MINDY3: variants seen among roughly 807,000 people sequenced by gnomAD.
MINDY3 encodes the protein MINDY lysine 48 deubiquitinase 3.
Under a neutral mutation model 69.2 loss-of-function variants are expected in MINDY3, and 38 were observed. That is an observed-to-expected ratio of 0.55 (90% CI 0.42 to 0.72). The LOEUF is 0.72. Among genes scored for constraint, MINDY3 ranks in the 30% least tolerant of loss-of-function variants. The pLI, the probability that MINDY3 is intolerant of heterozygous loss-of-function variation, is 0.00. For synonymous variants in MINDY3, 192 were observed against 180.1 expected (o/e 1.07, Z -0.53); for missense variants, 522 against 519.0 (o/e 1.01, Z -0.06).
chr10:15,841,425 C>T lies in MINDY3; in HGVS notation c.409+1G>A. 3.7e-6 allele frequency: 6 copies of T among 1,602,630 alleles called. No individual in the cohort carries two copies. The highest frequency in any genetic ancestry group is 5.1e-6 in the Non-Finnish European group (6 of 1,174,936). On this transcript the variant is annotated splice_donor_variant, in intron 4 of 14. Transcript: ENST00000277632. LOFTEE classifies it high-confidence loss of function. ...CTTCAGGAAATAAAAATATATCTTA[C>T]AAGAATGTTCCACTTGGCAACTAGA...
intron 9 of MINDY3, among the ~76,000 whole-genome samples, chr10:15,820,729 C>T (rs76749489): frequency 0.013 from 2,039 of 152,198 alleles, 45 homozygotes; most frequent in African/African-American, 0.046. Context: ...CGCTGTCTGA[C>T]GAAAAAGAGG....
At chr10:15,826,516 C>T (rs1292920227) in intron 8 of MINDY3, among the ~76,000 whole-genome samples, 1 of 152,110 alleles carries the variant, frequency 6.6e-6, no homozygotes, top group Admixed American at 6.5e-5. Flanking sequence ...AAATAACCTA[C>T]AAATATAATG....
At chr10:15,784,034 T>C (rs1338819857) in intron 13 of MINDY3, among the ~76,000 whole-genome samples, 3 of 152,144 alleles carry the variant, frequency 2.0e-5, no homozygotes, top group African/African-American at 4.8e-5. Context: ...CCTTAAACAA[T>C]TGTCTTAAGT....
At chr10:15,837,777 C>G in intron 5 of MINDY3, 1 of 1,030,792 alleles carries the variant, frequency 9.7e-7, no homozygotes. Context: ...CCAAATGCCA[C>G]CCATAATTCT....
intron 1 of MINDY3, 82 bp from the exon 2 acceptor site, chr10:15,848,025 G>T: frequency 9.0e-7 from 1 of 1,112,858 alleles, no homozygotes; most frequent in Non-Finnish European, 1.4e-6. Context: ...TTTGCTTTGA[G>T]AATGATCACT....
At chr10:15,798,236 T>C (rs1418513487) in intron 10 of MINDY3, among the ~76,000 whole-genome samples, 1 of 152,120 alleles carries the variant, frequency 6.6e-6, no homozygotes, top group Non-Finnish European at 1.5e-5. Context: ...GTTAAATCTT[T>C]TTGGGGGAAA....
intron 12 of MINDY3, among the ~76,000 whole-genome samples, chr10:15,788,193 A>T (rs1837120712): frequency 6.6e-6 from 1 of 152,176 alleles, no homozygotes. Flanking sequence ...TCTACTTGGA[A>T]ATAAAGTTAG....
chr10:15,792,997 C>T (rs548191072), intron 11 of MINDY3, among the ~76,000 whole-genome samples: 5 of 152,076 alleles, frequency 3.3e-5, no homozygotes, highest in South Asian at 2.1e-4. Flanking sequence ...GGTAGGAACT[C>T]GTCCAACATC....
At chr10:15,858,194 G>T (rs976205214) in intron 1 of MINDY3, among the ~76,000 whole-genome samples, 3 of 152,168 alleles carry the variant, frequency 2.0e-5, no homozygotes, top group Admixed American at 6.5e-5. Context: ...ATCTTAATCA[G>T]TGTAAGGCCT....
chr10:15,826,958 A>G lies in MINDY3; in HGVS notation c.731-5232T>C, dbSNP rs531093432. Among the ~76,000 whole-genome samples, 4 of 152,062 alleles carry G rather than the reference A, an allele frequency of 2.6e-5. No individual in the cohort carries two copies. In the South Asian group the frequency reaches 8.3e-4, roughly 32 times the overall value. On this transcript the variant is annotated intron_variant, in intron 8 of 14. Transcript: ENST00000277632. ...GCATTTTTGGAAAATACTAGAGAAT[A>G]TTATCTTGGGGTGGAGCCGGGCATG...
At chr10:15,799,256 G>A (rs1838076743) in intron 10 of MINDY3, among the ~76,000 whole-genome samples, 1 of 152,038 alleles carries the variant, frequency 6.6e-6, no homozygotes, top group South Asian at 2.1e-4. Flanking sequence ...CTGGAGTGCA[G>A]TGGTGTGATC....
chr10:15,833,224 C>T (rs1478181748), intron 8 of MINDY3, among the ~76,000 whole-genome samples: 2 of 152,144 alleles, frequency 1.3e-5, no homozygotes, highest in African/African-American at 4.8e-5. Context: ...TTTTAAAGTA[C>T]GCACATTAAA....
rs139754485 is a variant in MINDY3 at position 15,831,735 on chromosome 10, G to A, written c.730+1895C>T. Among the ~76,000 whole-genome samples, 851 of 149,842 alleles carry A rather than the reference G, an allele frequency of 5.7e-3. 9 individuals carry two copies. Among genetic ancestry groups the A allele is most frequent in the African/African-American group, 0.02 (818 of 40,156 alleles). ...CTATTGCTCAGGCTGGAGTGCCGTGGCATGATCTCAGCTCACTGCAACCTC... is the reference window on the plus strand; with the variant it reads ...CTATTGCTCAGGCTGGAGTGCCGTGACATGATCTCAGCTCACTGCAACCTC... On this transcript the variant is annotated intron_variant, in intron 8 of 14. Transcript: ENST00000277632.
At chr10:15,814,194 A>G (rs1011674284) in intron 10 of MINDY3, among the ~76,000 whole-genome samples, 6 of 152,118 alleles carry the variant, frequency 3.9e-5, no homozygotes, top group Non-Finnish European at 8.8e-5. Context: ...GTGATCAAGT[A>G]TTATTGTTCT....
At chr10:15,833,111 G>C (rs1832842926) in intron 8 of MINDY3, among the ~76,000 whole-genome samples, 1 of 152,188 alleles carries the variant, frequency 6.6e-6, no homozygotes, top group African/African-American at 2.4e-5. Context: ...CAATGTGCCT[G>C]ACAACATACG....
intron 11 of MINDY3, among the ~76,000 whole-genome samples, chr10:15,795,012 C>T (rs1837703338): frequency 6.6e-6 from 1 of 151,698 alleles, no homozygotes; most frequent in Non-Finnish European, 1.5e-5. Context: ...TCCGTTTCAA[C>T]TGTGGTTCCA....
chr10:15,790,580 C>T (rs1274462195), intron 11 of MINDY3, among the ~76,000 whole-genome samples: 3 of 152,122 alleles, frequency 2.0e-5, no homozygotes, highest in Non-Finnish European at 4.4e-5. Flanking sequence ...GAATGTGAAA[C>T]AGGCTTTATG....
chr10:15,852,886 C>T (rs1055470332), intron 1 of MINDY3, among the ~76,000 whole-genome samples: 2 of 152,022 alleles, frequency 1.3e-5, no homozygotes. Context: ...CATGTACAGA[C>T]TTTCTTTTTC....
intron 9 of MINDY3, among the ~76,000 whole-genome samples, chr10:15,820,973 A>G (rs1356210292): frequency 6.6e-6 from 1 of 152,216 alleles, no homozygotes; most frequent in Non-Finnish European, 1.5e-5. Flanking sequence ...AATGAAAAAG[A>G]AAACTAGATC....
Sources: gnomAD v4.1 joint callset for allele counts (sites outside exome capture counted in the v4.1 genomes callset) on GRCh38, gnomAD v4.1.1 for gene constraint, MANE v1.5 for transcripts, NCBI Gene and HGNC (gene_info 2026-07-23, HGNC 2026-07-21) for gene names.